PPFIBP2: variants seen among roughly 807,000 people sequenced by gnomAD.
PPFIBP2 encodes liprin-beta-2.
A neutral mutation model predicts 118.3 loss-of-function variants in PPFIBP2; 118 were observed. The ratio of observed to expected loss-of-function variants is 1.00; its 90% CI spans 0.86 to 1.16. The LOEUF (loss-of-function observed/expected upper bound fraction) is 1.16, where lower values mean the gene tolerates loss of function less well. Ranked by LOEUF, PPFIBP2 falls within the 50% of genes most tolerant of loss-of-function variation. The probability of loss-of-function intolerance (pLI) is 0.00; values close to 1 mark genes in which losing one functional copy is unlikely to be tolerated. For missense variants in PPFIBP2, 1,195 were observed against 1,073.1 expected (o/e 1.11, Z -1.59); for synonymous variants, 414 against 397.4 (o/e 1.04, Z -0.50).
intron 2 of PPFIBP2, among the ~76,000 whole-genome samples, chr11:7,564,511 G>C (rs937004626): frequency 3.3e-5 from 5 of 152,236 alleles, no homozygotes; most frequent in Non-Finnish European, 7.3e-5. Context: ...AAAGATTCCA[G>C]TTCACTAAAC....
chr11:7,641,392 A>G (rs1057037053), intron 15 of PPFIBP2, 87 bp from the exon 16 acceptor site: 36 of 1,443,268 alleles, frequency 2.5e-5, no homozygotes, highest in Non-Finnish European at 3.1e-5. Context: ...CTGGACTCCC[A>G]CTGAAGGGGA....
chr11:7,601,596 A>G (rs1214035196), intron 5 of PPFIBP2, among the ~76,000 whole-genome samples: 2 of 152,268 alleles, frequency 1.3e-5, no homozygotes, highest in South Asian at 2.1e-4. Flanking sequence ...CTATGGAAGC[A>G]CCTAGTCAGA....
At chr11:7,659,905 A>T, downstream of PPFIBP2, among the ~76,000 whole-genome samples, 1 of 120,478 alleles carries the variant, frequency 8.3e-6, no homozygotes, top group Non-Finnish European at 2.0e-5. Flanking sequence ...ATTCTCTTTG[A>T]AGCAATTGTG....
In PPFIBP2 at chr11:7,590,395, C is replaced by A. The variant is rs78895924; in HGVS notation, c.280-2737C>A. 3.2e-3 allele frequency among the ~76,000 whole-genome samples: 492 copies of A among 152,040 alleles called. 11 individuals carry two copies. In the East Asian group the frequency reaches 0.049, roughly 15 times the overall value. On this transcript the variant is annotated intron_variant, in intron 3 of 23. Transcript: ENST00000299492. ...CTGGAGAACGGTGATTTTGAAGGAC[C>A]TGTAGAAGAGGAAGATGCACTGTTC... is the stretch of plus-strand genomic sequence containing the variant.
intron 9 of PPFIBP2, 60 bp downstream of exon 9, chr11:7,628,406 T>G: frequency 6.8e-7 from 1 of 1,470,676 alleles, no homozygotes; most frequent in Non-Finnish European, 9.5e-7. Context: ...CTGTGTTTGG[T>G]CCCTGCTGGT....
At chr11:7,578,139 T>C (rs6578881) in intron 3 of PPFIBP2, among the ~76,000 whole-genome samples, 56,621 of 152,134 alleles carry the variant, frequency 0.37, 10,749 homozygotes, top group Middle Eastern at 0.49. Context: ...TTGAATGCTC[T>C]GAAGCTGAGG....
intron 1 of PPFIBP2, among the ~76,000 whole-genome samples, chr11:7,520,736 T>C (rs1849684196): frequency 6.6e-6 from 1 of 152,246 alleles, no homozygotes; most frequent in South Asian, 2.1e-4. Flanking sequence ...TGTTTATTCC[T>C]GAGTCACTAT....
intron 5 of PPFIBP2, among the ~76,000 whole-genome samples, chr11:7,606,292 G>A (rs2135436555): frequency 6.6e-6 from 1 of 152,350 alleles, no homozygotes; most frequent in East Asian, 1.9e-4. Context: ...TATGTTGGAA[G>A]TAGAAGGAGC....
chr11:7,564,964 C>A (rs999914208), intron 2 of PPFIBP2, among the ~76,000 whole-genome samples: 2 of 152,120 alleles, frequency 1.3e-5, no homozygotes, highest in African/African-American at 2.4e-5. Flanking sequence ...GGAATGCACA[C>A]ACAGGAATGG....
intron 2 of PPFIBP2, among the ~76,000 whole-genome samples, chr11:7,555,128 T>C (rs1853456968): frequency 1.3e-5 from 2 of 152,158 alleles, no homozygotes; most frequent in African/African-American, 4.8e-5. Flanking sequence ...TGGAGCTTAA[T>C]TTGTGAACTG....
chr11:7,567,475 G>C (rs1267387134), intron 3 of PPFIBP2, among the ~76,000 whole-genome samples: 1 of 152,218 alleles, frequency 6.6e-6, no homozygotes, highest in Non-Finnish European at 1.5e-5. Flanking sequence ...CCCTAAAAGT[G>C]ATTGCATTCA....
At chr11:7,531,752 T>C (rs576673068) in intron 1 of PPFIBP2, among the ~76,000 whole-genome samples, 26 of 151,744 alleles carry the variant, frequency 1.7e-4, no homozygotes, top group Non-Finnish European at 3.4e-4. Context: ...CTCACAATTA[T>C]GGAGGCCAGA....
downstream of PPFIBP2, among the ~76,000 whole-genome samples, chr11:7,657,963 C>T (rs1854798443): frequency 6.6e-6 from 1 of 152,214 alleles, no homozygotes; most frequent in Non-Finnish European, 1.5e-5. Flanking sequence ...CTCATCCACC[C>T]ACTCCTTCGC....
chr11:7,571,470 G>A (rs977637438), intron 3 of PPFIBP2, among the ~76,000 whole-genome samples: 3 of 152,192 alleles, frequency 2.0e-5, no homozygotes, highest in African/African-American at 7.2e-5. Flanking sequence ...TAAAATGTGA[G>A]CTTGAATTTT....
At chr11:7,538,419 G>C (rs939981197) in intron 1 of PPFIBP2, 1 of 152,708 alleles carries the variant, frequency 6.5e-6, no homozygotes, top group African/African-American at 2.4e-5. Context: ...CTTTCTGACT[G>C]AATGCCCTGC....
In PPFIBP2 at chr11:7,616,094, G is replaced by A. The variant is rs576555905; in HGVS notation, c.619-4841G>A. Among the ~76,000 whole-genome samples the A allele has an allele frequency of 1.1e-4, 16 of 152,216 alleles. No individual in the cohort carries two copies. The highest frequency in any genetic ancestry group is 9.6e-4 in the East Asian group (5 of 5,184). On this transcript the variant is annotated intron_variant, in intron 6 of 23. Transcript: ENST00000299492. The surrounding 1 kb of genome is among the most constrained non-coding windows in gnomAD (Gnocchi z 5.2). Reference sequence around the variant, plus strand: ...GACCAGTGTCAGGAAGGGGACATCCGAAACTAAAGGACAATGCTGAGGACA... The same window carrying A: ...GACCAGTGTCAGGAAGGGGACATCCAAAACTAAAGGACAATGCTGAGGACA...
At chr11:7,614,317 A>G (rs57536403) in intron 6 of PPFIBP2, among the ~76,000 whole-genome samples, 1 of 152,322 alleles carries the variant, frequency 6.6e-6, no homozygotes, top group East Asian at 1.9e-4. Flanking sequence ...GTGGACAAGT[A>G]CATTCATGTG....
chr11:7,659,933 G>A (rs1590848423), downstream of PPFIBP2, among the ~76,000 whole-genome samples: 13 of 124,204 alleles, frequency 1.0e-4, 5 homozygotes, highest in South Asian at 2.6e-3. Context: ...ATTCACTCAT[G>A]ATTTGGCTCT....
chr11:7,555,885 T>C (rs1314207606), intron 2 of PPFIBP2, among the ~76,000 whole-genome samples: 1 of 152,220 alleles, frequency 6.6e-6, no homozygotes. Context: ...GCTGCAAAAC[T>C]GTGTGGGCCT....
Sources: gnomAD v4.1 joint callset for allele counts (sites outside exome capture counted in the v4.1 genomes callset) on GRCh38, gnomAD v4.1.1 for gene constraint, Gnocchi (gnomAD v3.1) non-coding constraint, MANE v1.5 for transcripts, NCBI Gene and HGNC (gene_info 2026-07-23, HGNC 2026-07-21) for gene names.